Variants in DOCK8 observed in about 807,000 individuals in gnomAD.
DOCK8 encodes the protein dedicator of cytokinesis protein 8.
In DOCK8, 141 loss-of-function variants were observed where a neutral mutation model predicts 245.6. The ratio of observed to expected loss-of-function variants is 0.57; its 90% CI spans 0.50 to 0.66. The LOEUF is 0.66. Ranked by LOEUF, DOCK8 falls within the 30% of genes least tolerant of loss-of-function variation. The probability of loss-of-function intolerance (pLI) is 0.00; values close to 1 mark genes in which losing one functional copy is unlikely to be tolerated. For synonymous variants in DOCK8, 1,168 were observed against 970.2 expected (o/e 1.20, Z -3.79); for missense variants, 2,965 against 2,603.4 (o/e 1.14, Z -3.02).
Position 376,240 on chromosome 9 carries a change from TG to T in DOCK8, c.2143del (p.Ala715LeufsTer39). The T allele has an allele frequency of 6.2e-7, 1 of 1,613,314 alleles. No individual in the cohort carries two copies. On this transcript the variant is annotated frameshift_variant, in exon 19 of 48. Coordinates refer to ENST00000432829, the MANE Select transcript of DOCK8 (RefSeq NM_203447.4). LOFTEE classifies it high-confidence loss of function. ...KVPLQNPPIKWAEGHKGVFNI... is the reference protein window; with the variant it reads ...KVPLQNPPIKXAEGHKGVFNI... ...CCCATTACAGAATCCTCCCATTAAG[TG>T]GGCTGAAGGACATAAGGGAGTATTT... is the stretch of plus-strand genomic sequence containing the variant.
At chr9:432,078 T>G (rs527949324) in intron 36 of DOCK8, 88 bp from the exon 37 acceptor site, 30 of 1,368,782 alleles carry the variant, frequency 2.2e-5, no homozygotes, top group South Asian at 1.3e-4. Context: ...ACTGAGGAGT[T>G]GTTTGTGTCT....
At chr9:403,205 AATG>A (rs1325561323) in intron 26 of DOCK8, among the ~76,000 whole-genome samples, 2 of 152,174 alleles carry the variant, frequency 1.3e-5, no homozygotes, top group African/African-American at 4.8e-5. Flanking sequence ...GTCTGTCTTG[AATG>A]ATGTCTCAAG....
At chr9:258,114 A>G (rs1245449434) in intron 1 of DOCK8, among the ~76,000 whole-genome samples, 3 of 152,344 alleles carry the variant, frequency 2.0e-5, no homozygotes, top group African/African-American at 7.2e-5. Context: ...TTATTTAACA[A>G]AGCAAACTCA....
At chr9:400,927 C>T (rs1564016410) in intron 26 of DOCK8, among the ~76,000 whole-genome samples, 7 of 123,292 alleles carry the variant, frequency 5.7e-5, no homozygotes, top group South Asian at 2.7e-4. Context: ...TCACCATCAC[C>T]ACAACATCCA....
intron 14 of DOCK8, among the ~76,000 whole-genome samples, chr9:361,777 A>G (rs2131122658): frequency 6.6e-6 from 1 of 152,354 alleles, no homozygotes; most frequent in Middle Eastern, 3.4e-3. Context: ...AGTAACAAAA[A>G]TAAAACCAAA....
rs762777958 is a variant in DOCK8, at chr9:399,192, T to G, written c.3167T>G (p.Leu1056Trp). 1.2e-6 allele frequency: 2 copies of G among 1,614,108 alleles called. No homozygotes were observed. Among genetic ancestry groups the G allele is most frequent in the Admixed American group, 1.7e-5 (1 of 60,034 alleles). Residue 1056 changes from leucine to tryptophan, a missense_variant, in exon 26 of 48, where the codon TTG becomes TGG. Coordinates refer to ENST00000432829, the MANE Select transcript of DOCK8 (RefSeq NM_203447.4). ...EKMNISLAFFLYDLLSLMDRG... is the reference protein window; with the variant it reads ...EKMNISLAFFWYDLLSLMDRG... ...ATGAACATCAGCCTGGCTTTCTTCTTGTATGACCTTCTCTCCCTCATGGAT... is the reference window on the plus strand; with the variant it reads ...ATGAACATCAGCCTGGCTTTCTTCTGGTATGACCTTCTCTCCCTCATGGAT...
intron 46 of DOCK8, among the ~76,000 whole-genome samples, chr9:454,100 G>A (rs899980292): frequency 1.3e-5 from 2 of 152,208 alleles, no homozygotes; most frequent in African/African-American, 2.4e-5. Context: ...ATCAGTTTCA[G>A]GCTGGAGCAT....
At position 449,651 on chromosome 9, in the gene DOCK8, AT is replaced by A; in HGVS notation, c.5818-129del. On this transcript the variant is annotated intron_variant, in intron 44 of 47. Transcript: ENST00000432829. ...TCTTTCTTTTTAACCTGTTAAGAGT[AT>A]TTTAAATTACTCTGAAAGTCTTTCC... 2.7e-6 allele frequency: 3 copies of A among 1,128,216 alleles called. No individual in the cohort carries two copies. The Admixed American group carries it at 5.5e-5, about 21-fold the overall frequency. The allele number at this position is 1,128,216 out of a possible 1,614,324, so 69.9% of individuals were successfully genotyped here.
chr9:261,236 TA>T (rs1280287924), intron 1 of DOCK8, among the ~76,000 whole-genome samples: 1 of 152,198 alleles, frequency 6.6e-6, no homozygotes, highest in African/African-American at 2.4e-5. Flanking sequence ...ATGCTCAAAA[TA>T]AAAATAGAAT....
At chr9:447,808 A>C (rs145956872) in intron 44 of DOCK8, among the ~76,000 whole-genome samples, 58 of 152,330 alleles carry the variant, frequency 3.8e-4, no homozygotes, top group African/African-American at 1.3e-3. Context: ...GTCATCCAGC[A>C]GGTAGTGTTC....
intron 1 of DOCK8, among the ~76,000 whole-genome samples, chr9:217,627 G>C (rs2046788871): frequency 6.6e-6 from 1 of 152,094 alleles, no homozygotes; most frequent in African/African-American, 2.4e-5. Flanking sequence ...TAAGGAGCTT[G>C]GCAGAAATTA....
chr9:340,472 T>A, intron 14 of DOCK8, 151 bp downstream of exon 14: 1 of 986,766 alleles, frequency 1.0e-6, no homozygotes, highest in Non-Finnish European at 1.5e-6. Context: ...TATACAAAAT[T>A]TAGCTGGGCA....
chr9:400,997 A>ACCACCT (rs2055053731), intron 26 of DOCK8, among the ~76,000 whole-genome samples: 1 of 143,026 alleles, frequency 7.0e-6, no homozygotes, highest in Non-Finnish European at 1.5e-5. Flanking sequence ...CTCCACCACC[A>ACCACCT]CCACCATTAG....
intron 14 of DOCK8, among the ~76,000 whole-genome samples, chr9:355,666 G>A (rs2052404423): frequency 6.6e-6 from 1 of 152,138 alleles, no homozygotes; most frequent in African/African-American, 2.4e-5. Flanking sequence ...TACCTAGAAA[G>A]CAGATTCTCT....
chr9:234,827 T>C (rs533991683), intron 1 of DOCK8, among the ~76,000 whole-genome samples: 1 of 152,210 alleles, frequency 6.6e-6, no homozygotes, highest in South Asian at 2.1e-4. Context: ...TTTAACTTCT[T>C]TGCCATTGGT....
intron 14 of DOCK8, among the ~76,000 whole-genome samples, chr9:363,443 C>T (rs534957851): frequency 1.7e-3 from 252 of 152,308 alleles, no homozygotes; most frequent in Middle Eastern, 3.4e-3. Flanking sequence ...TTTTATCTGG[C>T]TTGGGCTCTG....
At chr9:449,702 G>T (rs2057370396) in intron 44 of DOCK8, 82 bp from the exon 45 acceptor site, 2 of 1,579,292 alleles carry the variant, frequency 1.3e-6, no homozygotes, top group African/African-American at 1.3e-5. Context: ...AAATTCAGGT[G>T]GCCTCTCTGT....
chr9:431,271 C>A (rs931816723), intron 36 of DOCK8, among the ~76,000 whole-genome samples: 1 of 152,104 alleles, frequency 6.6e-6, no homozygotes, highest in Non-Finnish European at 1.5e-5. Flanking sequence ...TTGATACCTT[C>A]TTTGGAATTT....
At position 446,363 on chromosome 9, in the gene DOCK8, C is replaced by G. The variant is rs1433859056; in HGVS notation, c.5581-7C>G. 2.5e-6 allele frequency: 4 copies of G among 1,612,092 alleles called. No homozygotes were observed. Among genetic ancestry groups the G allele is most frequent in the East Asian group, 2.2e-5 (1 of 44,894 alleles). On this transcript the variant is annotated splice_region_variant and splice_polypyrimidine_tract_variant and intron_variant, in intron 43 of 47. Coordinates refer to ENST00000432829, the MANE Select transcript of DOCK8 (RefSeq NM_203447.4). The stretch of plus-strand genomic sequence containing the variant: ...CATCTTCTCCCTCCGTGCCTTTTCC[C>G]CCTTAGGCCTACATACAGATCACTT...
Sources: allele counts gnomAD v4.1 joint callset (sites outside exome capture counted in the v4.1 genomes callset), GRCh38; gene constraint gnomAD v4.1.1; transcripts MANE v1.5; gene names NCBI Gene and HGNC (gene_info 2026-07-23, HGNC 2026-07-21).